Variants in PRKDC observed in about 807,000 individuals in gnomAD.
The protein encoded by PRKDC is protein kinase, DNA-activated, catalytic subunit.
Under a neutral mutation model 486.9 loss-of-function variants are expected in PRKDC, and 82 were observed. That is an observed-to-expected ratio of 0.17 (90% CI 0.14 to 0.20). The LOEUF is 0.20. PRKDC is among the 10% of genes least tolerant of loss of function. The pLI, the probability that PRKDC is intolerant of heterozygous loss-of-function variation, is 1.00. For synonymous variants in PRKDC, 1,895 were observed against 1,837.0 expected, an observed-to-expected ratio of 1.03 and a Z score of -0.81; for missense variants, 4,504 against 5,038.2, an observed-to-expected ratio of 0.89 and a Z score of 3.21.
At chr8:47,868,766 A>G (rs2088875912) in intron 40 of PRKDC, among the ~76,000 whole-genome samples, 1 of 152,236 alleles carries the variant, frequency 6.6e-6, no homozygotes, top group Admixed American at 6.5e-5. Context: ...GGAAAGAGGC[A>G]CTGAAGAAAC....
chr8:47,827,743 C>T (rs1184667418), intron 62 of PRKDC, among the ~76,000 whole-genome samples: 6 of 152,254 alleles, frequency 3.9e-5, no homozygotes, highest in Non-Finnish European at 7.4e-5. Context: ...AATGTAAGGT[C>T]GGGAGGAAAG....
Position 47,927,325 on chromosome 8 carries a change from G to C in PRKDC, c.2288C>G (p.Thr763Ser), listed in dbSNP as rs757271960. The change falls in exon 21 of 86, where the codon ACC becomes AGC. Residue 763 changes from threonine to serine, a missense_variant. Thr to Ser is a moderately conservative substitution (Grantham distance 58, BLOSUM62 1). This residue lies in a region of PRKDC where 1,969 missense variants were observed against 2,068.9 expected (regional missense o/e 0.95). Coordinates refer to ENST00000314191, the MANE Select transcript of PRKDC (RefSeq NM_006904.7). ...QMAFKLGLSY[T>S]PLAEVGLNAL... ...ATTCAGGCCTACTTCTGCCAAGGGG[G>C]TATAGCTCAGGCCCAGTTTGAAAGC... The C allele has an allele frequency of 1.2e-6, 2 of 1,613,186 alleles. No individual in the cohort carries two copies. The highest frequency in any genetic ancestry group is 1.7e-5 in the Admixed American group (1 of 59,916).
At chr8:47,848,664 A>G (rs929344172) in intron 54 of PRKDC, among the ~76,000 whole-genome samples, 4 of 152,190 alleles carry the variant, frequency 2.6e-5, no homozygotes, top group Admixed American at 2.6e-4. Context: ...AAAAAAAAAA[A>G]AAAGGTATAT....
At chr8:47,780,468 G>A (rs2086680612) in intron 80 of PRKDC, among the ~76,000 whole-genome samples, 1 of 152,152 alleles carries the variant, frequency 6.6e-6, no homozygotes, top group South Asian at 2.1e-4. Flanking sequence ...TGTGTGGAAA[G>A]CTTTAACAAG....
At position 47,831,425 on chromosome 8, in the gene PRKDC, C is replaced by T. The variant is rs550422842; in HGVS notation, c.8265+389G>A. Among the ~76,000 whole-genome samples, 28 of 152,354 alleles carry T rather than the reference C, an allele frequency of 1.8e-4. No individual in the cohort carries two copies. The South Asian group carries it at 2.5e-3, about 14-fold the overall frequency. Reference sequence around the variant, plus strand: ...ACGCCGCGGCTACGGAGTCTCCACGCCACGGGAAGGCCCTCCTGGCCACCT... The same window carrying T: ...ACGCCGCGGCTACGGAGTCTCCACGTCACGGGAAGGCCCTCCTGGCCACCT... On this transcript the variant is annotated intron_variant, in intron 60 of 85. Coordinates refer to ENST00000314191, the MANE Select transcript of PRKDC (RefSeq NM_006904.7).
chr8:47,781,453 T>C (rs1366139064), intron 80 of PRKDC, among the ~76,000 whole-genome samples: 1 of 152,146 alleles, frequency 6.6e-6, no homozygotes, highest in Non-Finnish European at 1.5e-5. Flanking sequence ...TCAGAGAACA[T>C]CAAAGAGAAA....
intron 14 of PRKDC, among the ~76,000 whole-genome samples, chr8:47,934,778 C>T (rs2090320099): frequency 6.6e-6 from 1 of 152,084 alleles, no homozygotes; most frequent in African/African-American, 2.4e-5. Flanking sequence ...TTCTGATTTA[C>T]AAAAATGTAT....
chr8:47,954,570 C>T, intron 4 of PRKDC, 124 bp from the exon 5 acceptor site: 1 of 388,670 alleles, frequency 2.6e-6, no homozygotes, highest in Admixed American at 4.5e-5. Flanking sequence ...CATCTGTCCA[C>T]AGCAAAGGTT....
chr8:47,898,478 A>G lies in PRKDC; in HGVS notation c.3456T>C (p.Arg1152=), dbSNP rs2089622006. 1 of 1,554,396 alleles carries G rather than the reference A, an allele frequency of 6.4e-7. No individual in the cohort carries two copies. Among genetic ancestry groups the G allele is most frequent in the Admixed American group, 1.9e-5 (1 of 52,188 alleles). The change falls in exon 29 of 86, where the codon CGT becomes CGC. Residue 1152 remains arginine (R), a synonymous_variant. Transcript: ENST00000314191. ...GAAGCAAGATCACCTACCGCGGCAA[A>G]CGTCGTTTCTTTGCTTTATTTAAAG... The part of the protein sequence containing the change: ...HVSLNKAKKR[R]LPRGFPPSAS...
intron 71 of PRKDC, among the ~76,000 whole-genome samples, chr8:47,799,668 G>A (rs1014425520): frequency 1.3e-5 from 2 of 152,162 alleles, no homozygotes; most frequent in Admixed American, 1.3e-4. Flanking sequence ...AGTGGAGTGC[G>A]TGGCTGTCGG....
Position 47,933,048 on chromosome 8 carries a change from A to G in PRKDC, c.1748T>C (p.Leu583Pro), listed in dbSNP as rs765977096. 1 of 1,598,636 alleles carries G rather than the reference A, an allele frequency of 6.3e-7. No homozygotes were observed. The highest frequency in any genetic ancestry group is 8.5e-7 in the Non-Finnish European group (1 of 1,174,468). ...LKIVEKLDLTLEIQTVGEQEN... is the reference protein window; with the variant it reads ...LKIVEKLDLTPEIQTVGEQEN... Reference sequence around the variant, plus strand: ...TTGTTCCCCAACAGTCTGTATTTCAAGTGTAAGATCCAATTTCTCAACAAT... The same window carrying G: ...TTGTTCCCCAACAGTCTGTATTTCAGGTGTAAGATCCAATTTCTCAACAAT... Residue 583 changes from leucine (L) to proline (P), a missense_variant, in exon 16 of 86, where the codon CTT (leucine) becomes CCT (proline). By Grantham distance (98) the Leu-to-Pro change is moderately conservative (BLOSUM62 -3). Transcript: ENST00000314191.
chr8:47,848,885 G>A (rs1209527524), intron 54 of PRKDC, among the ~76,000 whole-genome samples: 4 of 152,136 alleles, frequency 2.6e-5, no homozygotes, highest in Admixed American at 1.3e-4. Context: ...GAGAGCCAAG[G>A]TAACCCCATA....
At chr8:47,806,069 C>T (rs2154498443) in intron 69 of PRKDC, among the ~76,000 whole-genome samples, 1 of 152,276 alleles carries the variant, frequency 6.6e-6, no homozygotes, top group South Asian at 2.1e-4. Context: ...CCTTCCATGC[C>T]CATAAAGCCT....
At position 47,938,398 on chromosome 8, in the gene PRKDC, C is replaced by T. The variant is rs1207698306; in HGVS notation, c.1113+1153G>A. Among the ~76,000 whole-genome samples the T allele has an allele frequency of 6.9e-5, 9 of 130,716 alleles. No individual in the cohort carries two copies. The East Asian group carries it at 2.0e-3, about 29-fold the overall frequency. 85.8% of individuals were successfully genotyped at this position (130,716 alleles called of 152,430 possible). On this transcript the variant is annotated intron_variant, in intron 11 of 85. Transcript: ENST00000314191. ...CGCACTCCAGCCTGGGCAACAAAAG[C>T]GAAACTCCAACTCAAAAATTAAAAA...
intron 68 of PRKDC, among the ~76,000 whole-genome samples, chr8:47,807,905 G>A (rs574051081): frequency 1.5e-4 from 23 of 152,086 alleles, no homozygotes; most frequent in African/African-American, 5.3e-4. Context: ...TAGTAGAGAC[G>A]GGGTTTCACC....
chr8:47,897,798 T>C (rs1298455864), intron 29 of PRKDC, among the ~76,000 whole-genome samples: 2 of 152,250 alleles, frequency 1.3e-5, no homozygotes, highest in African/African-American at 4.8e-5. Flanking sequence ...CGTAAGTTAA[T>C]AGTAGAATCT....
chr8:47,863,699 C>T, intron 41 of PRKDC, 122 bp from the exon 42 acceptor site: 1 of 785,504 alleles, frequency 1.3e-6, no homozygotes, highest in Non-Finnish European at 2.0e-6. Context: ...GTCAAAAATG[C>T]TAAATCACTT....
In PRKDC at chr8:47,830,588, CA is replaced by C; in HGVS notation, c.8397+16del. 1 of 1,609,406 alleles carries C rather than the reference CA, an allele frequency of 6.2e-7. No individual in the cohort carries two copies. Among genetic ancestry groups the C allele is most frequent in the Non-Finnish European group, 8.5e-7 (1 of 1,176,616 alleles). ...GATTTTAACCTGTCAACAGAAAACG[CA>C]GCGGCAAAAACTGACCTGGGCCACG... is the stretch of plus-strand genomic sequence containing the variant. On this transcript the variant is annotated intron_variant, in intron 61 of 85. Transcript: ENST00000314191.
Position 47,879,666 on chromosome 8 carries a change from G to A in PRKDC, c.5068-8C>T. The stretch of plus-strand genomic sequence containing the variant: ...AAGAGTGACAGCTTGGCCCTGTGGA[G>A]CAAGACAGACATAAGAAACTGCACG... On this transcript the variant is annotated splice_polypyrimidine_tract_variant and splice_region_variant and intron_variant, in intron 38 of 85. Transcript: ENST00000314191. 2 of 1,544,622 alleles carry A rather than the reference G, an allele frequency of 1.3e-6. No individual in the cohort carries two copies. The highest frequency in any genetic ancestry group is 1.7e-6 in the Non-Finnish European group (2 of 1,152,498).
Sources: allele counts gnomAD v4.1 joint callset (sites outside exome capture counted in the v4.1 genomes callset), GRCh38; gene constraint gnomAD v4.1.1; regional missense constraint gnomAD v4.1.1; transcripts MANE v1.5; gene names NCBI Gene and HGNC (gene_info 2026-07-23, HGNC 2026-07-21).